The following CCDC88C variants were observed in gnomAD, a reference collection of about 807,000 sequenced individuals.
CCDC88C encodes protein Daple.
A neutral mutation model predicts 198.8 loss-of-function variants in CCDC88C; 131 were observed. The observed-to-expected ratio is 0.66, with a 90% CI of 0.57 to 0.76. CCDC88C has a LOEUF of 0.76. CCDC88C is among the 30% of genes least tolerant of loss of function. The pLI, the probability that CCDC88C is intolerant of heterozygous loss-of-function variation, is 0.00. For missense variants in CCDC88C, 2,553 were observed against 2,631.6 expected, an observed-to-expected ratio of 0.97 and a Z score of 0.65; for synonymous variants, 1,166 against 1,114.7, an observed-to-expected ratio of 1.05 and a Z score of -0.92.
At chr14:91,332,114 A>G (rs1157758248) in intron 10 of CCDC88C, among the ~76,000 whole-genome samples, 1 of 152,212 alleles carries the variant, frequency 6.6e-6, no homozygotes, top group Non-Finnish European at 1.5e-5. Flanking sequence ...ACACAGGAGC[A>G]GAGAGAGGCC....
intron 27 of CCDC88C, chr14:91,281,240 G>T (rs185234790): frequency 8.0e-7 from 1 of 1,247,714 alleles, no homozygotes. Context: ...TTCCAGAACT[G>T]TGATGCTTGG....
intron 15 of CCDC88C, among the ~76,000 whole-genome samples, chr14:91,312,372 A>G (rs1645125213): frequency 6.6e-6 from 1 of 151,432 alleles, no homozygotes; most frequent in African/African-American, 2.4e-5. Flanking sequence ...TGGGTGACAA[A>G]GCAAGATTCT....
intron 3 of CCDC88C, among the ~76,000 whole-genome samples, chr14:91,380,688 GT>G (rs962784443): frequency 5.3e-5 from 8 of 151,204 alleles, no homozygotes; most frequent in African/African-American, 9.7e-5. Flanking sequence ...CTCTGAAGTT[GT>G]TTTTTTTTCC....
chr14:91,398,876 G>C (rs1886005270), intron 3 of CCDC88C, among the ~76,000 whole-genome samples: 1 of 152,168 alleles, frequency 6.6e-6, no homozygotes, highest in Non-Finnish European at 1.5e-5. Flanking sequence ...CTGCTGCAGA[G>C]CATGGCTTTC....
At chr14:91,286,219 G>C (rs1387766667) in intron 25 of CCDC88C, among the ~76,000 whole-genome samples, 1 of 151,984 alleles carries the variant, frequency 6.6e-6, no homozygotes, top group Admixed American at 6.6e-5. Flanking sequence ...TTAATGATGG[G>C]GTCCCTAACA....
chr14:91,392,886 G>A (rs1885601062), intron 3 of CCDC88C, among the ~76,000 whole-genome samples: 1 of 152,080 alleles, frequency 6.6e-6, no homozygotes, highest in African/African-American at 2.4e-5. Flanking sequence ...GTGGGACACA[G>A]AGAAAACAAG....
At chr14:91,402,913 C>T (rs1676406910) in intron 3 of CCDC88C, among the ~76,000 whole-genome samples, 1 of 152,180 alleles carries the variant, frequency 6.6e-6, no homozygotes, top group African/African-American at 2.4e-5. Flanking sequence ...GATAAGGAAC[C>T]TTCTGGCCTT....
chr14:91,277,075 T>C (rs1232628823), intron 29 of CCDC88C, among the ~76,000 whole-genome samples: 2 of 152,220 alleles, frequency 1.3e-5, no homozygotes, highest in African/African-American at 2.4e-5. Flanking sequence ...TTTCAAATGA[T>C]TCTCCTGCCT....
intron 25 of CCDC88C, among the ~76,000 whole-genome samples, chr14:91,286,115 C>A (rs1188725234): frequency 1.3e-5 from 2 of 152,092 alleles, no homozygotes; most frequent in Non-Finnish European, 2.9e-5. Flanking sequence ...GCCCAAGGAG[C>A]CAATGGTCTG....
intron 20 of CCDC88C, among the ~76,000 whole-genome samples, chr14:91,301,844 G>C (rs1380178940): frequency 2.0e-5 from 3 of 152,250 alleles, no homozygotes; most frequent in African/African-American, 7.2e-5. Context: ...TTACACGAAT[G>C]CTTCATTAGT....
chr14:91,293,361 ACGGCCCACCTTCCTGCCCCCTCG>A lies in CCDC88C; in HGVS notation c.4112+789_4112+811del, dbSNP rs1567055047. Among the ~76,000 whole-genome samples the A allele has an allele frequency of 5.4e-4, 44 of 80,862 alleles. 3 individuals carry two copies. The highest frequency in any genetic ancestry group is 0.011 in the Middle Eastern group (1 of 94). 53.0% of individuals were successfully genotyped at this position (80,862 alleles called of 152,430 possible). A position where few individuals can be genotyped will look rare whatever the true frequency, so the allele number is the denominator to read the frequency against. ...TCACCTTCCTGTCCCCTCGCCTGCCACGGCCCACCTTCCTGCCCCCTCGCCTGCCACAGCCCACCTTCCTGCCC... is the reference window on the plus strand; with the variant it reads ...TCACCTTCCTGTCCCCTCGCCTGCCACCTGCCACAGCCCACCTTCCTGCCC... On this transcript the variant is annotated intron_variant, in intron 23 of 29. Coordinates refer to ENST00000389857, the MANE Select transcript of CCDC88C (RefSeq NM_001080414.4).
chr14:91,300,005 C>A lies in CCDC88C; in HGVS notation c.3701G>T (p.Arg1234Leu). The A allele has an allele frequency of 1.2e-6, 2 of 1,600,842 alleles. No individual in the cohort carries two copies. Among genetic ancestry groups the A allele is most frequent in the South Asian group, 1.1e-5 (1 of 88,636 alleles). The change falls in exon 21 of 30, where the codon CGA becomes CTA. Residue 1234 changes from arginine to leucine, a missense_variant. Physicochemically the swap from Arg to Leu is moderately radical, Grantham distance 102. Transcript: ENST00000389857. ...CCTCTGCTCCTGCTGCAGCGCCTCTCGCTCAGTGGTCAAGACCTTCTCCCG... is the reference window on the plus strand; with the variant it reads ...CCTCTGCTCCTGCTGCAGCGCCTCTAGCTCAGTGGTCAAGACCTTCTCCCG... ...EEREKVLTTE[R>L]EALQQEQRTN... is the part of the protein sequence containing the mutation.
intron 3 of CCDC88C, among the ~76,000 whole-genome samples, chr14:91,365,303 T>A (rs1200656371): frequency 6.6e-6 from 1 of 152,004 alleles, no homozygotes; most frequent in African/African-American, 2.4e-5. Flanking sequence ...ATGAAGCAGG[T>A]AGGGACCAGG....
chr14:91,403,735 G>C (rs1437806782), intron 3 of CCDC88C, among the ~76,000 whole-genome samples: 1 of 152,184 alleles, frequency 6.6e-6, no homozygotes, highest in Admixed American at 6.5e-5. Context: ...TTTGAGACCA[G>C]CCTGGCCAAC....
At chr14:91,354,089 G>A (rs1267360065) in intron 4 of CCDC88C, among the ~76,000 whole-genome samples, 2 of 152,134 alleles carry the variant, frequency 1.3e-5, no homozygotes, top group Non-Finnish European at 2.9e-5. Flanking sequence ...CCGCTCTCTG[G>A]GCTGGGCTTC....
At chr14:91,311,231 CGTAG>C (rs1284925867) in intron 15 of CCDC88C, among the ~76,000 whole-genome samples, 2 of 152,206 alleles carry the variant, frequency 1.3e-5, no homozygotes, top group African/African-American at 4.8e-5. Flanking sequence ...GGTTGGCTAT[CGTAG>C]CACAGCCTAA....
At chr14:91,324,099 G>A (rs1892474676) in intron 12 of CCDC88C, among the ~76,000 whole-genome samples, 1 of 152,246 alleles carries the variant, frequency 6.6e-6, no homozygotes, top group Admixed American at 6.5e-5. Flanking sequence ...GTGAGCGTGT[G>A]CTATTTTCAA....
chr14:91,320,229 A>G (rs1892302045), intron 13 of CCDC88C, among the ~76,000 whole-genome samples: 1 of 152,078 alleles, frequency 6.6e-6, no homozygotes, highest in South Asian at 2.1e-4. Context: ...TAGAGAGATG[A>G]AACTTTCAGG....
intron 27 of CCDC88C, among the ~76,000 whole-genome samples, chr14:91,280,418 G>A (rs541479557): frequency 1.3e-5 from 2 of 152,238 alleles, no homozygotes; most frequent in Admixed American, 6.5e-5. Context: ...TGGTGATAGC[G>A]AATAGCCTAA....
Sources: allele counts gnomAD v4.1 joint callset (sites outside exome capture counted in the v4.1 genomes callset), GRCh38; gene constraint gnomAD v4.1.1; transcripts MANE v1.5; gene names NCBI Gene and HGNC (gene_info 2026-07-23, HGNC 2026-07-21).